GATA5: variants seen among roughly 807,000 people sequenced by gnomAD.
GATA5 encodes the protein transcription factor GATA-5.
In GATA5, 27 loss-of-function variants were observed where a neutral mutation model predicts 35.0. The ratio of observed to expected loss-of-function variants is 0.77; its 90% CI spans 0.57 to 1.06. The LOEUF is 1.06. Ranked by LOEUF, GATA5 falls within the 50% of genes least tolerant of loss-of-function variation. The probability of loss-of-function intolerance (pLI) is 0.00; values close to 1 mark genes in which losing one functional copy is unlikely to be tolerated. For synonymous variants in GATA5, 306 were observed against 267.8 expected (o/e 1.14, Z -1.39); for missense variants, 612 against 580.0 (o/e 1.06, Z -0.57).
chr20:62,469,883 C>T (rs576346470), intron 3 of GATA5, among the ~76,000 whole-genome samples: 1 of 152,268 alleles, frequency 6.6e-6, no homozygotes, highest in Admixed American at 6.5e-5. Context: ...CCGCCCCCCT[C>T]GGCCAGGTAC....
chr20:62,472,343 G>A (rs781829719), intron 3 of GATA5, among the ~76,000 whole-genome samples: 3 of 152,212 alleles, frequency 2.0e-5, no homozygotes, highest in Non-Finnish European at 4.4e-5. Flanking sequence ...GTCCCCCACA[G>A]CCCAGGGCCC....
intron 2 of GATA5, among the ~76,000 whole-genome samples, chr20:62,474,568 T>G (rs1555896910): frequency 1.3e-5 from 2 of 152,216 alleles, no homozygotes; most frequent in Non-Finnish European, 2.9e-5. Flanking sequence ...AATCCGATTC[T>G]CCAAACTGAT....
At chr20:62,466,999 C>A (rs1555896170) in intron 3 of GATA5, among the ~76,000 whole-genome samples, 1 of 152,226 alleles carries the variant, frequency 6.6e-6, no homozygotes, top group African/African-American at 2.4e-5. Context: ...GCCTCCCAGG[C>A]CGGGGGGCCC....
intron 4 of GATA5, among the ~76,000 whole-genome samples, chr20:62,466,208 C>T (rs1989582598): frequency 6.6e-6 from 1 of 152,214 alleles, no homozygotes; most frequent in South Asian, 2.1e-4. Context: ...CTGTGGTGAG[C>T]CTCAGTCAGC....
rs1052370150 is a variant in GATA5, at chr20:62,463,646, G to C, written c.*1190C>G. 5.3e-5 allele frequency: 8 copies of C among 152,216 alleles called. No individual in the cohort carries two copies. The highest frequency in any genetic ancestry group is 5.2e-4 in the Admixed American group (8 of 15,286). 9.4% of individuals were successfully genotyped at this position (152,216 alleles called of 1,614,324 possible). On this transcript the variant is annotated 3_prime_UTR_variant, in exon 7 of 7. Transcript: ENST00000252997. ...CTCCTGAAGCTGATGCCAGACAACT[G>C]TTTTTCAATATGGGGTGGTGCACTG...
chr20:62,465,330 A>AC lies in GATA5; in HGVS notation c.1038+9dup. On this transcript the variant is annotated intron_variant, in intron 6 of 6. Coordinates refer to ENST00000252997, the MANE Select transcript of GATA5 (RefSeq NM_080473.5). ...AGCTCTGGGCACCCCACCCCAGCCC[A>AC]CCCCCTTACCTGGGGGGCCATGCTG... 7.1e-7 allele frequency: 1 copy of AC among 1,404,920 alleles called. No homozygotes were observed. The highest frequency in any genetic ancestry group is 1.2e-5 in the South Asian group (1 of 85,798). 87.0% of individuals were successfully genotyped at this position (1,404,920 alleles called of 1,614,324 possible). A position where few individuals can be genotyped will look rare whatever the true frequency, so the allele number is the denominator to read the frequency against.
chr20:62,474,714 A>C (rs571635282), intron 2 of GATA5, among the ~76,000 whole-genome samples: 106 of 152,392 alleles, frequency 7.0e-4, no homozygotes, highest in Non-Finnish European at 1.3e-3. Flanking sequence ...AAAAACAAAA[A>C]CAAAAACGAT....
Position 62,465,815 on chromosome 20 carries a change from G to A in GATA5, c.913+19C>T. The A allele has an allele frequency of 6.4e-7, 1 of 1,555,972 alleles. No individual in the cohort carries two copies. ...CCACTCCGCAGGAGCGGGGCTGACTGCAGGGCCTGGCCACGCACCTGAGGA... is the reference window on the plus strand; with the variant it reads ...CCACTCCGCAGGAGCGGGGCTGACTACAGGGCCTGGCCACGCACCTGAGGA... On this transcript the variant is annotated intron_variant, in intron 5 of 6. Transcript: ENST00000252997.
intron 3 of GATA5, among the ~76,000 whole-genome samples, chr20:62,469,949 C>T (rs1273297687): frequency 2.6e-5 from 4 of 152,204 alleles, no homozygotes; most frequent in African/African-American, 9.6e-5. Context: ...TGCCACCATA[C>T]CGCGACGATG....
In GATA5 at chr20:62,473,568, G is replaced by A. The variant is rs868976282; in HGVS notation, c.534C>T (p.Phe178=). ...PGRRPTFVSD[F]LEEFPGEGRE... Reference sequence around the variant, plus strand: ...GACCCTCACCCGGGAACTCCTCCAAGAAGTCGGACACTGAGGGGACAGGCA... The same window carrying A: ...GACCCTCACCCGGGAACTCCTCCAAAAAGTCGGACACTGAGGGGACAGGCA... The change falls in exon 3 of 7, where the codon TTC becomes TTT. Residue 178 remains phenylalanine, a synonymous_variant. Transcript: ENST00000252997. 1 of 1,593,910 alleles carries A rather than the reference G, an allele frequency of 6.3e-7. No individual in the cohort carries two copies. The highest frequency in any genetic ancestry group is 1.1e-5 in the South Asian group (1 of 88,382).
chr20:62,473,379 C>T, intron 3 of GATA5, 24 bp downstream of exon 3: 1 of 1,589,070 alleles, frequency 6.3e-7, no homozygotes, highest in Admixed American at 1.7e-5. Context: ...CGCCCAGGCG[C>T]CCCTCTGCCC....
intron 3 of GATA5, among the ~76,000 whole-genome samples, chr20:62,469,095 C>G (rs1309848309): frequency 6.6e-6 from 1 of 152,212 alleles, no homozygotes; most frequent in African/African-American, 2.4e-5. Context: ...TGGTCTCCTT[C>G]CCACCTCTCG....
In GATA5 at chr20:62,470,591, G is replaced by A. The variant is rs1243266382; in HGVS notation, c.699+2812C>T. On this transcript the variant is annotated intron_variant, in intron 3 of 6. Coordinates refer to ENST00000252997, the MANE Select transcript of GATA5 (RefSeq NM_080473.5). The surrounding 1 kb of genome is among the most constrained non-coding windows in gnomAD (Gnocchi z 4.6). ...GTGTTAGGTGCCTGACTCCAGGTAA[G>A]GACCAGTCTTGCTCAGCGGGAAGGG... Among the ~76,000 whole-genome samples, 13 of 152,188 alleles carry A rather than the reference G, an allele frequency of 8.5e-5. No individual in the cohort carries two copies. Among genetic ancestry groups the A allele is most frequent in the African/African-American group, 3.1e-4 (13 of 41,444 alleles).
At chr20:62,474,557 G>T (rs573959530) in intron 2 of GATA5, among the ~76,000 whole-genome samples, 1 of 152,260 alleles carries the variant, frequency 6.6e-6, no homozygotes, top group African/African-American at 2.4e-5. Context: ...CACAGGCCGA[G>T]AATCCGATTC....
chr20:62,469,105 G>A (rs782073909), intron 3 of GATA5, among the ~76,000 whole-genome samples: 5 of 152,138 alleles, frequency 3.3e-5, no homozygotes, highest in African/African-American at 1.2e-4. Flanking sequence ...CCCACCTCTC[G>A]GACACCCACC....
In GATA5 at chr20:62,475,028, TG is replaced by T; in HGVS notation, c.493del (p.His165ThrfsTer55). The stretch of plus-strand genomic sequence containing the variant: ...GGTGGGCCTGCGGCCTGGGAGGCCG[TG>T]CAGGACGCTGCCATCGAAGGGCCCG... ...TAGPFDGSVLHGLPGRRPTFV... is the reference protein window; with the variant it reads ...TAGPFDGSVLXGLPGRRPTFV... On this transcript the variant is annotated frameshift_variant, in exon 2 of 7. Coordinates refer to ENST00000252997, the MANE Select transcript of GATA5 (RefSeq NM_080473.5). LOFTEE classifies it high-confidence loss of function. 1 of 1,389,814 alleles carries T rather than the reference TG, an allele frequency of 7.2e-7. No individual in the cohort carries two copies. The highest frequency in any genetic ancestry group is 9.4e-7 in the Non-Finnish European group (1 of 1,066,958). 86.1% of individuals were successfully genotyped at this position (1,389,814 alleles called of 1,614,324 possible).
rs1555897007 is a variant in GATA5, at chr20:62,475,197, C to G, written c.325G>C (p.Gly109Arg). ...PSGPGSGGSA[G>R]GRDGSAYQGA... is the part of the protein sequence containing the mutation. ...TGGTAGGCACTGCCGTCTCGGCCCC[C>G]CGCGCTGCCGCCGCTGCCGGGCCCC... The change falls in exon 2 of 7, where the codon GGG (glycine) becomes CGG (arginine). Residue 109 changes from glycine (G) to arginine (R), a missense_variant. Transcript: ENST00000252997. 7.9e-7 allele frequency: 1 copy of G among 1,258,730 alleles called. No individual in the cohort carries two copies. The allele number at this position is 1,258,730 out of a possible 1,614,324, so 78.0% of individuals were successfully genotyped here. A position where few individuals can be genotyped will look rare whatever the true frequency, so the allele number is the denominator to read the frequency against.
At chr20:62,472,051 C>A (rs1291507862) in intron 3 of GATA5, among the ~76,000 whole-genome samples, 1 of 152,084 alleles carries the variant, frequency 6.6e-6, no homozygotes, top group African/African-American at 2.4e-5. Flanking sequence ...TGGCCCCTAA[C>A]CCCTTCTTAA....
At position 62,475,375 on chromosome 20, in the gene GATA5, A is replaced by G. The variant is rs1989832692; in HGVS notation, c.147T>C (p.Cys49=). 7.7e-7 allele frequency: 1 copy of G among 1,293,160 alleles called. No homozygotes were observed. The highest frequency in any genetic ancestry group is 9.8e-7 in the Non-Finnish European group (1 of 1,020,522). 80.1% of individuals were successfully genotyped at this position (1,293,160 alleles called of 1,614,324 possible). ...VPSMLSYLSG[C]EPSPQPPELA... is the part of the protein sequence containing the mutation. ...GCTCGGGGGGCTGCGGGCTCGGCTC[A>G]CACCCGGACAGGTAGGACAGCATCG... Residue 49 remains cysteine, a synonymous_variant, in exon 2 of 7, where the codon TGT becomes TGC. Transcript: ENST00000252997.
Sources: allele counts gnomAD v4.1 joint callset (sites outside exome capture counted in the v4.1 genomes callset), GRCh38; gene constraint gnomAD v4.1.1; non-coding constraint Gnocchi (gnomAD v3.1); transcripts MANE v1.5; gene names NCBI Gene and HGNC (gene_info 2026-07-23, HGNC 2026-07-21).